PJA2: variants seen among roughly 807,000 people sequenced by gnomAD.
The protein encoded by PJA2 is praja ring finger ubiquitin ligase 2, also known as E3 ubiquitin-protein ligase Praja-2.
A neutral mutation model predicts 69.3 loss-of-function variants in PJA2; 25 were observed. That is an observed-to-expected ratio of 0.36 (90% CI 0.26 to 0.50). The LOEUF is 0.50. PJA2 is among the 20% of genes least tolerant of loss of function. The probability of loss-of-function intolerance (pLI) is 0.96; values close to 1 mark genes in which losing one functional copy is unlikely to be tolerated. For missense variants in PJA2, 809 were observed against 830.2 expected (o/e 0.97, Z 0.31); for synonymous variants, 308 against 277.8 (o/e 1.11, Z -1.08).
intron 1 of PJA2, among the ~76,000 whole-genome samples, chr5:109,401,263 G>A (rs148812731): frequency 6.7e-4 from 102 of 152,158 alleles, no homozygotes; most frequent in African/African-American, 1.9e-3. Context: ...CAACCTGGGC[G>A]ACAGAGTGAG....
At chr5:109,398,054 CTCA>C (rs1262335335) in intron 1 of PJA2, among the ~76,000 whole-genome samples, 2 of 152,278 alleles carry the variant, frequency 1.3e-5, no homozygotes, top group East Asian at 3.9e-4. Context: ...TGAAAAAATG[CTCA>C]TCATCACTGG....
intron 4 of PJA2, among the ~76,000 whole-genome samples, chr5:109,369,898 G>A (rs753832969): frequency 3.3e-5 from 5 of 152,052 alleles, no homozygotes; most frequent in African/African-American, 7.2e-5. Context: ...TGGGCGTGGC[G>A]CTGCACGCCT....
intron 6 of PJA2, among the ~76,000 whole-genome samples, chr5:109,356,778 C>A (rs1340181234): frequency 6.6e-6 from 1 of 151,944 alleles, no homozygotes; most frequent in African/African-American, 2.4e-5. Context: ...CTGTCTTCTT[C>A]TAAGATTAGG....
At chr5:109,346,902 TA>T (rs1762179473) in intron 7 of PJA2, among the ~76,000 whole-genome samples, 1 of 152,192 alleles carries the variant, frequency 6.6e-6, no homozygotes, top group Non-Finnish European at 1.5e-5. Context: ...AGGTTTCCCA[TA>T]TAGAAGAAGA....
In PJA2 at chr5:109,342,220, C is replaced by T. The variant is rs1209143992; in HGVS notation, c.2001+1970G>A. On this transcript the variant is annotated intron_variant, in intron 9 of 9. Transcript: ENST00000361189. Reference sequence around the variant, plus strand: ...GTGGGGGGGGGTCAGCCCCCCCGCCCGGCCAGCCGCCCTGTCCAGGAGGTG... The same window carrying T: ...GTGGGGGGGGGTCAGCCCCCCCGCCTGGCCAGCCGCCCTGTCCAGGAGGTG... 7.2e-4 allele frequency among the ~76,000 whole-genome samples: 52 copies of T among 71,746 alleles called. 4 individuals are homozygous for T. Among genetic ancestry groups the T allele is most frequent in the Non-Finnish European group, 7.8e-4 (27 of 34,520 alleles). The allele number at this position is 71,746 out of a possible 152,430, so 47.1% of individuals were successfully genotyped here. A position where few individuals can be genotyped will look rare whatever the true frequency, so the allele number is the denominator to read the frequency against.
At position 109,337,037 on chromosome 5, in the gene PJA2, C is replaced by A. The variant is rs914142145; in HGVS notation, c.*194G>T. On this transcript the variant is annotated 3_prime_UTR_variant, in exon 10 of 10. Coordinates refer to ENST00000361189, the MANE Select transcript of PJA2 (RefSeq NM_014819.5). The stretch of plus-strand genomic sequence containing the variant: ...AAAGAAAATGGATGCACTGTCTCAA[C>A]ATTCAGCTTAAAAATGTTTAATACT... The A allele has an allele frequency of 2.7e-6, 1 of 367,362 alleles. No homozygotes were observed. The highest frequency in any genetic ancestry group is 4.4e-6 in the Non-Finnish European group (1 of 224,796). The allele number at this position is 367,362 out of a possible 1,614,324, so 22.8% of individuals were successfully genotyped here.
Position 109,364,857 on chromosome 5 carries a change from T to C in PJA2, c.1470-1835A>G, listed in dbSNP as rs570155389. On this transcript the variant is annotated intron_variant, in intron 5 of 9. Coordinates refer to ENST00000361189, the MANE Select transcript of PJA2 (RefSeq NM_014819.5). ...TATAATAATTAGCAGAAAAGGAAAT[T>C]CAAATAGCCCTTAAATATATAAAGA... 2.6e-5 allele frequency among the ~76,000 whole-genome samples: 4 copies of C among 152,098 alleles called. No individual in the cohort carries two copies. The East Asian group carries it at 7.7e-4, about 29-fold the overall frequency.
rs992695877 is a variant in PJA2 at position 109,386,756 on chromosome 5, T to C, written c.-87-3236A>G. Among the ~76,000 whole-genome samples the C allele has an allele frequency of 2.0e-5, 3 of 152,174 alleles. No homozygotes were observed. The East Asian group carries it at 5.8e-4, about 29-fold the overall frequency. Reference sequence around the variant, plus strand: ...TCTGAAAATACTATCTCCCTCATACTTTAGTACAGTTCAAGACAAAATCAT... The same window carrying C: ...TCTGAAAATACTATCTCCCTCATACCTTAGTACAGTTCAAGACAAAATCAT... On this transcript the variant is annotated intron_variant, in intron 1 of 9. Transcript: ENST00000361189.
intron 6 of PJA2, among the ~76,000 whole-genome samples, chr5:109,358,219 AG>A (rs565820345): frequency 2.1e-4 from 32 of 152,240 alleles, no homozygotes; most frequent in Non-Finnish European, 4.0e-4. Context: ...TGGCCCGCCC[AG>A]GGAGGGAAAC....
At position 109,378,675 on chromosome 5, in the gene PJA2, T is replaced by C. The variant is rs1746958775; in HGVS notation, c.812A>G (p.Asn271Ser). ...QDEMVSTKQQNNTSQERQTEH... is the reference protein window; with the variant it reads ...QDEMVSTKQQSNTSQERQTEH... ...TGTCTGTCTTTCCTGGCTAGTATTA[T>C]TTTGTTGTTTCGTACTAACCATTTC... Residue 271 changes from asparagine to serine, a missense_variant, in exon 4 of 10, where the codon AAT (asparagine) becomes AGT (serine). By Grantham distance (46) the Asn-to-Ser change is conservative. This residue lies in a region of PJA2 where 700 missense variants were observed against 639.5 expected (regional missense o/e 1.09). Coordinates refer to ENST00000361189, the MANE Select transcript of PJA2 (RefSeq NM_014819.5). The C allele has an allele frequency of 1.9e-6, 3 of 1,613,932 alleles. No individual in the cohort carries two copies. The highest frequency in any genetic ancestry group is 1.3e-5 in the African/African-American group (1 of 74,936).
Position 109,362,336 on chromosome 5 carries a change from T to C in PJA2, c.1652+504A>G, listed in dbSNP as rs1382713591. ...CATGTTACTTTCATTTGAAGCTGAC[T>C]ATTCTTTGTCAAGCATAAAGTAAAT... is the stretch of plus-strand genomic sequence containing the variant. On this transcript the variant is annotated intron_variant, in intron 6 of 9. Transcript: ENST00000361189. 3.3e-5 allele frequency among the ~76,000 whole-genome samples: 5 copies of C among 152,236 alleles called. No homozygotes were observed. In the East Asian group the frequency reaches 9.6e-4, roughly 29 times the overall value.
intron 6 of PJA2, 104 bp from the exon 7 acceptor site, chr5:109,356,130 C>T (rs1342393029): frequency 2.7e-6 from 2 of 745,832 alleles, no homozygotes; most frequent in Non-Finnish European, 4.5e-6. Context: ...GATAAACATG[C>T]TGTGAACAGA....
At position 109,344,921 on chromosome 5, in the gene PJA2, T is replaced by TTTGTTA. The variant is rs897477708; in HGVS notation, c.1765-108_1765-103dup. ...AAAATTATATCACCATTATTCTCTT[T>TTTGTTA]TTGTTAGTTTCTTTTGCTTTAGTCC... On this transcript the variant is annotated intron_variant, in intron 7 of 9. Transcript: ENST00000361189. 11 of 700,660 alleles carry TTTGTTA rather than the reference T, an allele frequency of 1.6e-5. No homozygotes were observed. In the African/African-American group the frequency reaches 1.8e-4, roughly 11 times the overall value. The allele number at this position is 700,660 out of a possible 1,614,324, so 43.4% of individuals were successfully genotyped here.
intron 4 of PJA2, among the ~76,000 whole-genome samples, chr5:109,369,258 G>A (rs1762633513): frequency 6.6e-6 from 1 of 152,192 alleles, no homozygotes; most frequent in Non-Finnish European, 1.5e-5. Context: ...ATAGAGTGGA[G>A]TGTCGATGCC....
At chr5:109,374,295 T>C (rs1762722778) in intron 4 of PJA2, among the ~76,000 whole-genome samples, 1 of 152,214 alleles carries the variant, frequency 6.6e-6, no homozygotes, top group African/African-American at 2.4e-5. Context: ...CAAACTTCTA[T>C]GAACTTGAAA....
chr5:109,365,614 G>T (rs1223967686), intron 5 of PJA2, among the ~76,000 whole-genome samples: 1 of 151,838 alleles, frequency 6.6e-6, no homozygotes, highest in African/African-American at 2.4e-5. Flanking sequence ...AATTTCATCT[G>T]TTTATCAAGA....
Position 109,381,661 on chromosome 5 carries a change from G to A in PJA2, c.74C>T (p.Ala25Val), listed in dbSNP as rs768939955. Residue 25 changes from alanine (A) to valine (V), a missense_variant, in exon 3 of 10, where the codon GCA (alanine) becomes GTA (valine). Around this residue, in one of 4 missense-constraint regions of PJA2, gnomAD observed 700 missense variants for 639.5 expected, o/e 1.09. Transcript: ENST00000361189. ...ESGKAVWPKP[A>V]GGYQTITGRR... is the part of the protein sequence containing the mutation. ...GCCTGTAATTGTCTGATACCCTCCT[G>A]CTGGTTTGGGCCAGACAGCCTTACC... 1 of 1,613,874 alleles carries A rather than the reference G, an allele frequency of 6.2e-7. No individual in the cohort carries two copies. The highest frequency in any genetic ancestry group is 1.1e-5 in the South Asian group (1 of 91,076).
chr5:109,360,958 T>C (rs1473235117), intron 6 of PJA2, among the ~76,000 whole-genome samples: 1 of 152,136 alleles, frequency 6.6e-6, no homozygotes, highest in Non-Finnish European at 1.5e-5. Flanking sequence ...TGAAACCCTG[T>C]CTGTACTGAA....
chr5:109,383,006 C>A (rs1747085658), intron 2 of PJA2, among the ~76,000 whole-genome samples: 1 of 152,040 alleles, frequency 6.6e-6, no homozygotes, highest in African/African-American at 2.4e-5. Context: ...TCAAGTGTTA[C>A]ACTTATTTAA....
Sources: allele counts gnomAD v4.1 joint callset (sites outside exome capture counted in the v4.1 genomes callset), GRCh38; gene constraint gnomAD v4.1.1; regional missense constraint gnomAD v4.1.1; transcripts MANE v1.5; gene names NCBI Gene and HGNC (gene_info 2026-07-23, HGNC 2026-07-21).